TCF4: variants seen among roughly 807,000 people sequenced by gnomAD.
The protein encoded by TCF4 is SL3-3 enhancer factor 2.
A neutral mutation model predicts 82.1 loss-of-function variants in TCF4; 3 were observed. The ratio of observed to expected loss-of-function variants is 0.04; its 90% CI spans 0.02 to 0.09. The LOEUF (loss-of-function observed/expected upper bound fraction) is 0.09, where lower values mean the gene tolerates loss of function less well. TCF4 is among the 10% of genes least tolerant of loss of function. The pLI, the probability that TCF4 is intolerant of heterozygous loss-of-function variation, is 1.00. For synonymous variants in TCF4, 276 were observed against 309.6 expected, an observed-to-expected ratio of 0.89 and a Z score of 1.14; for missense variants, 518 against 852.7, an observed-to-expected ratio of 0.61 and a Z score of 4.89.
chr18:55,617,959 C>A (rs563193201), intron 2 of TCF4, among the ~76,000 whole-genome samples: 1 of 151,902 alleles, frequency 6.6e-6, no homozygotes, highest in East Asian at 1.9e-4. Flanking sequence ...TGTATAATTG[C>A]TTTGTCTAGA....
At chr18:55,502,132 T>G (rs971260756) in intron 3 of TCF4, among the ~76,000 whole-genome samples, 1 of 152,212 alleles carries the variant, frequency 6.6e-6, no homozygotes, top group Non-Finnish European at 1.5e-5. Context: ...TTTATGCCTT[T>G]CTAACCTGGA....
chr18:55,275,771 A>T lies in TCF4; in HGVS notation c.656-19T>A. The T allele has an allele frequency of 6.2e-7, 1 of 1,613,690 alleles. No homozygotes were observed. The highest frequency in any genetic ancestry group is 8.5e-7 in the Non-Finnish European group (1 of 1,179,660). On this transcript the variant is annotated intron_variant, in intron 9 of 19. Transcript: ENST00000354452. ...TGGCCATCTGTAAAGGACAAAGACA[A>T]CCATGACTTTCTGAGGCATTCAGCC...
intron 5 of TCF4, among the ~76,000 whole-genome samples, chr18:55,457,144 AACAAAC>A (rs777740998): frequency 3.3e-5 from 5 of 152,208 alleles, no homozygotes; most frequent in Non-Finnish European, 7.3e-5. Flanking sequence ...CCAACATCAA[AACAAAC>A]ACAAAGGCTA....
intron 8 of TCF4, among the ~76,000 whole-genome samples, chr18:55,326,092 T>A (rs1458526679): frequency 2.0e-5 from 3 of 152,180 alleles, no homozygotes; most frequent in Non-Finnish European, 4.4e-5. Flanking sequence ...GATGACATTT[T>A]ATAGATCAAA....
chr18:55,597,225 A>G (rs557633381), intron 2 of TCF4, among the ~76,000 whole-genome samples: 5 of 152,306 alleles, frequency 3.3e-5, no homozygotes, highest in South Asian at 2.1e-4. Flanking sequence ...TCTTATAGCA[A>G]TGTGAGAACA....
chr18:55,448,984 C>T (rs758207764), intron 5 of TCF4, among the ~76,000 whole-genome samples: 6 of 152,120 alleles, frequency 3.9e-5, no homozygotes, highest in Admixed American at 6.5e-5. Context: ...ATACCTACGA[C>T]TTTGCGAAAA....
intron 15 of TCF4, among the ~76,000 whole-genome samples, chr18:55,239,521 A>G (rs2144882509): frequency 6.6e-6 from 1 of 152,312 alleles, no homozygotes; most frequent in Non-Finnish European, 1.5e-5. Context: ...GTGTCCATAC[A>G]TGTATACACA....
chr18:55,586,806 A>T (rs2097653879), intron 2 of TCF4: 2 of 479,682 alleles, frequency 4.2e-6, no homozygotes, highest in Admixed American at 6.8e-5. Context: ...TGGGGTAATC[A>T]GTGGGTAGGG....
chr18:55,363,360 C>T (rs1201938114), intron 6 of TCF4, among the ~76,000 whole-genome samples: 1 of 152,168 alleles, frequency 6.6e-6, no homozygotes, highest in Admixed American at 6.6e-5. Context: ...CTTCACACTT[C>T]ATACTAAAAT....
rs1045317084 is a variant in TCF4 at position 55,631,353 on chromosome 18, G to A, written c.231C>T (p.Ile77=). Reference sequence around the variant, plus strand: ...TGTGAGCCACCATGCCCGTCCAAGAGATAATGTTCTTAGATTGGTGTTTAC... The same window carrying A: ...TGTGAGCCACCATGCCCGTCCAAGAAATAATGTTCTTAGATTGGTGTTTAC... The change falls in exon 2 of 21, where the codon ATC becomes ATT. Residue 77 remains isoleucine, a synonymous_variant. Coordinates refer to the TCF4 transcript ENST00000398339. 5 of 1,548,606 alleles carry A rather than the reference G, an allele frequency of 3.2e-6. No individual in the cohort carries two copies. In the Admixed American group the frequency reaches 5.9e-5, roughly 18 times the overall value.
chr18:55,622,595 A>G (rs1007399220), intron 2 of TCF4, among the ~76,000 whole-genome samples: 1 of 151,994 alleles, frequency 6.6e-6, no homozygotes, highest in African/African-American at 2.4e-5. Flanking sequence ...AGAGTTGGAC[A>G]TGCACTTAGT....
intron 3 of TCF4, among the ~76,000 whole-genome samples, chr18:55,570,667 A>G (rs893241409): frequency 6.6e-6 from 1 of 152,120 alleles, no homozygotes; most frequent in Non-Finnish European, 1.5e-5. Flanking sequence ...AAATTGCTTG[A>G]GCTCAGAAGT....
intron 5 of TCF4, among the ~76,000 whole-genome samples, chr18:55,444,791 C>A (rs970335893): frequency 6.6e-6 from 1 of 152,196 alleles, no homozygotes; most frequent in Non-Finnish European, 1.5e-5. Context: ...GTCAAAAATT[C>A]ATTATTTCCA....
At chr18:55,508,705 T>C (rs1222157089) in intron 3 of TCF4, among the ~76,000 whole-genome samples, 1 of 152,200 alleles carries the variant, frequency 6.6e-6, no homozygotes, top group Non-Finnish European at 1.5e-5. Flanking sequence ...CAGCTCACAC[T>C]TGCTCTTTAA....
rs1054583683 is a variant in TCF4 at position 55,225,227 on chromosome 18, C to T, written c.*2808G>A. On this transcript the variant is annotated 3_prime_UTR_variant, in exon 20 of 20. Coordinates refer to ENST00000354452, the MANE Select transcript of TCF4 (RefSeq NM_001083962.2). ...AGGGAATTCAACAATAGAGGTATTG[C>T]ATTACTGAGTAATGAATACATCAAA... 1 of 152,516 alleles carries T rather than the reference C, an allele frequency of 6.6e-6. No individual in the cohort carries two copies. 9.4% of individuals were successfully genotyped at this position (152,516 alleles called of 1,614,324 possible).
At chr18:55,286,801 C>T (rs532025057) in intron 8 of TCF4, among the ~76,000 whole-genome samples, 1 of 152,264 alleles carries the variant, frequency 6.6e-6, no homozygotes, top group East Asian at 1.9e-4. Flanking sequence ...TCCTCCTTCA[C>T]GTCCAAGTGA....
At chr18:55,281,171 A>G (rs2062529658) in intron 8 of TCF4, among the ~76,000 whole-genome samples, 3 of 152,174 alleles carry the variant, frequency 2.0e-5, no homozygotes, top group Admixed American at 6.6e-5. Context: ...GGCTTACAAT[A>G]AGGAAAAAAA....
intron 3 of TCF4, chr18:55,547,080 C>T (rs1321836337): frequency 1.3e-5 from 2 of 152,210 alleles, no homozygotes; most frequent in African/African-American, 4.8e-5. Flanking sequence ...GCTGTTGAGT[C>T]ACCAGTACTT....
At chr18:55,556,969 G>T (rs1168924909) in intron 3 of TCF4, among the ~76,000 whole-genome samples, 1 of 152,058 alleles carries the variant, frequency 6.6e-6, no homozygotes, top group East Asian at 1.9e-4. Context: ...CCAACTTTAT[G>T]TAAGTCTCTG....
Sources: allele counts gnomAD v4.1 joint callset (sites outside exome capture counted in the v4.1 genomes callset), GRCh38; gene constraint gnomAD v4.1.1; transcripts MANE v1.5; gene names NCBI Gene and HGNC (gene_info 2026-07-23, HGNC 2026-07-21).